The following ROR1 variants were observed in gnomAD, a reference collection of about 807,000 sequenced individuals.
ROR1 encodes inactive tyrosine-protein kinase transmembrane receptor ROR1.
Under a neutral mutation model 78.8 loss-of-function variants are expected in ROR1, and 19 were observed. That is an observed-to-expected ratio of 0.24 (90% CI 0.17 to 0.35). ROR1 has a LOEUF of 0.35. Among genes scored for constraint, ROR1 ranks in the 10% least tolerant of loss-of-function variants. The probability of loss-of-function intolerance (pLI) is 1.00; values close to 1 mark genes in which losing one functional copy is unlikely to be tolerated. For missense variants in ROR1, 917 were observed against 1,177.8 expected (o/e 0.78, Z 3.24); for synonymous variants, 386 against 433.6 (o/e 0.89, Z 1.36).
intron 1 of ROR1, among the ~76,000 whole-genome samples, chr1:63,780,562 T>G (rs1644644930): frequency 1.3e-5 from 2 of 152,166 alleles, no homozygotes; most frequent in South Asian, 4.1e-4. Flanking sequence ...TGAAGAAATT[T>G]GAAAATCTGG....
At position 64,181,443 on chromosome 1, in the gene ROR1, G is replaced by T. The variant is rs984587964; in HGVS notation, c.*2588G>T. 3 of 152,214 alleles carry T rather than the reference G, an allele frequency of 2.0e-5. No individual in the cohort carries two copies. Among genetic ancestry groups the T allele is most frequent in the African/African-American group, 7.2e-5 (3 of 41,560 alleles). 9.4% of individuals were successfully genotyped at this position (152,214 alleles called of 1,614,324 possible). On this transcript the variant is annotated 3_prime_UTR_variant, in exon 9 of 9. Coordinates refer to ENST00000371079, the MANE Select transcript of ROR1 (RefSeq NM_005012.4). Reference sequence around the variant, plus strand: ...CATTTGTATTTCACACACCAGAGATGATATTAAACACTGATTATTTTATGC... The same window carrying T: ...CATTTGTATTTCACACACCAGAGATTATATTAAACACTGATTATTTTATGC...
intron 1 of ROR1, among the ~76,000 whole-genome samples, chr1:63,981,200 C>T (rs1041388493): frequency 3.3e-5 from 5 of 152,102 alleles, no homozygotes; most frequent in African/African-American, 1.2e-4. Context: ...ATTCCATTTT[C>T]ACACAACCTT....
At chr1:64,155,059 C>T (rs1350780699) in intron 7 of ROR1, among the ~76,000 whole-genome samples, 1 of 152,124 alleles carries the variant, frequency 6.6e-6, no homozygotes, top group Non-Finnish European at 1.5e-5. Context: ...ATATAATTTA[C>T]TAGAAGCACT....
At chr1:64,039,695 G>A (rs1158889999) in intron 2 of ROR1, among the ~76,000 whole-genome samples, 2 of 152,148 alleles carry the variant, frequency 1.3e-5, no homozygotes, top group African/African-American at 4.8e-5. Context: ...CCTGTGCATG[G>A]TACTGAAATC....
intron 1 of ROR1, among the ~76,000 whole-genome samples, chr1:63,975,812 A>G (rs1646155216): frequency 6.6e-6 from 1 of 152,068 alleles, no homozygotes; most frequent in Non-Finnish European, 1.5e-5. Flanking sequence ...TGATTGGGAG[A>G]GGGGAGAGAG....
chr1:64,032,624 C>T (rs943574452), intron 2 of ROR1, among the ~76,000 whole-genome samples: 9 of 152,140 alleles, frequency 5.9e-5, no homozygotes, highest in Non-Finnish European at 1.3e-4. Flanking sequence ...AGCCTTATAA[C>T]ATCATAGCTT....
chr1:63,983,063 CAACAT>C (rs1646223116), intron 1 of ROR1, among the ~76,000 whole-genome samples: 1 of 152,098 alleles, frequency 6.6e-6, no homozygotes, highest in South Asian at 2.1e-4. Flanking sequence ...TATTTGCAAA[CAACAT>C]AAGAATAAAA....
intron 1 of ROR1, among the ~76,000 whole-genome samples, chr1:63,961,422 T>G (rs769687749): frequency 6.6e-6 from 1 of 152,192 alleles, no homozygotes; most frequent in Non-Finnish European, 1.5e-5. Flanking sequence ...GTAGTCATAA[T>G]ATGGAATCAA....
At chr1:63,927,764 C>A (rs998578193) in intron 1 of ROR1, among the ~76,000 whole-genome samples, 3 of 152,094 alleles carry the variant, frequency 2.0e-5, no homozygotes, top group Non-Finnish European at 4.4e-5. Flanking sequence ...TGTACCCACT[C>A]CATTGCAATC....
At position 64,180,386 on chromosome 1, in the gene ROR1, A is replaced by T. The variant is rs956081523; in HGVS notation, c.*1531A>T. On this transcript the variant is annotated 3_prime_UTR_variant, in exon 9 of 9. Transcript: ENST00000371079. ...AAGTAATTCCTGGAAATGATATTTG[A>T]TGAGGAGAATGTAAGAGAATGAAAA... The T allele has an allele frequency of 5.3e-5, 8 of 152,230 alleles. No homozygotes were observed. Among genetic ancestry groups the T allele is most frequent in the Admixed American group, 1.3e-4 (2 of 15,286 alleles). The allele number at this position is 152,230 out of a possible 1,614,324, so 9.4% of individuals were successfully genotyped here. A position where few individuals can be genotyped will look rare whatever the true frequency, so the allele number is the denominator to read the frequency against.
chr1:63,954,018 G>A (rs186293615), intron 1 of ROR1, among the ~76,000 whole-genome samples: 126 of 152,294 alleles, frequency 8.3e-4, no homozygotes, highest in Admixed American at 1.4e-3. Context: ...TTGCAGGAGT[G>A]AGACCTGGGC....
At chr1:63,991,656 G>C (rs1156851203) in intron 1 of ROR1, among the ~76,000 whole-genome samples, 2 of 152,196 alleles carry the variant, frequency 1.3e-5, no homozygotes, top group Non-Finnish European at 2.9e-5. Context: ...TGGTTTATCT[G>C]TGTGGTAGAC....
rs1185135650 is a variant in ROR1, at chr1:64,138,546, C to CT, written c.610+1067dup. ...AGGCTGGGGGGAAGAGGGAGGAGGA[C>CT]TTTTTTTTTTTTTTTTTGAGATGGA... On this transcript the variant is annotated intron_variant, in intron 5 of 8. Coordinates refer to ENST00000371079, the MANE Select transcript of ROR1 (RefSeq NM_005012.4). Among the ~76,000 whole-genome samples the CT allele has an allele frequency of 9.4e-3, 1,251 of 133,676 alleles. 6 individuals are homozygous for CT. The highest frequency in any genetic ancestry group is 0.017 in the African/African-American group (637 of 36,558). 87.7% of individuals were successfully genotyped at this position (133,676 alleles called of 152,430 possible).
At chr1:63,962,564 C>T (rs1186317708) in intron 1 of ROR1, among the ~76,000 whole-genome samples, 1 of 152,162 alleles carries the variant, frequency 6.6e-6, no homozygotes, top group Non-Finnish European at 1.5e-5. Flanking sequence ...CTGAGAAAAG[C>T]CTCCCTGGAG....
chr1:64,010,531 C>T (rs1646467253), intron 2 of ROR1, among the ~76,000 whole-genome samples: 1 of 152,106 alleles, frequency 6.6e-6, no homozygotes, highest in South Asian at 2.1e-4. Flanking sequence ...TGAGTTTCTA[C>T]TTTAGTTCAG....
At chr1:64,071,620 C>G (rs1001236268) in intron 4 of ROR1, among the ~76,000 whole-genome samples, 3 of 145,688 alleles carry the variant, frequency 2.1e-5, no homozygotes, top group Non-Finnish European at 4.5e-5. Flanking sequence ...CACACACAAA[C>G]CTTGGTGGCT....
rs567445287 is a variant in ROR1 at position 63,880,017 on chromosome 1, T to C, written c.91+105509T>C. Among the ~76,000 whole-genome samples the C allele has an allele frequency of 2.6e-5, 4 of 152,222 alleles. No homozygotes were observed. In the South Asian group the frequency reaches 8.3e-4, roughly 32 times the overall value. On this transcript the variant is annotated intron_variant, in intron 1 of 8. Transcript: ENST00000371079. ...TCATTTAATGGAGGGTTTTGGTGGT[T>C]AGGAGGACAGGCTACTGGGTGTGAG...
chr1:63,881,851 T>C (rs1190139968), intron 1 of ROR1, among the ~76,000 whole-genome samples: 1 of 152,152 alleles, frequency 6.6e-6, no homozygotes, highest in Non-Finnish European at 1.5e-5. Flanking sequence ...CCTGGAGGAT[T>C]GTGTTGGGGA....
chr1:63,802,832 A>T (rs894706799), intron 1 of ROR1, among the ~76,000 whole-genome samples: 1 of 152,268 alleles, frequency 6.6e-6, no homozygotes, highest in African/African-American at 2.4e-5. Flanking sequence ...GCACTGTCCA[A>T]TAAAATTATA....
Sources: gnomAD v4.1 joint callset for allele counts (sites outside exome capture counted in the v4.1 genomes callset) on GRCh38, gnomAD v4.1.1 for gene constraint, MANE v1.5 for transcripts, NCBI Gene and HGNC (gene_info 2026-07-23, HGNC 2026-07-21) for gene names.